The following PIK3CA variants were observed in gnomAD, a reference collection of about 807,000 sequenced individuals.
The protein encoded by PIK3CA is phosphatidylinositol 4,5-bisphosphate 3-kinase catalytic subunit alpha isoform.
In PIK3CA, 27 loss-of-function variants were observed where a neutral mutation model predicts 138.2. The observed-to-expected ratio is 0.20, with a 90% CI of 0.14 to 0.27. The LOEUF is 0.27. Among genes scored for constraint, PIK3CA ranks in the 10% least tolerant of loss-of-function variants. The pLI, the probability that PIK3CA is intolerant of heterozygous loss-of-function variation, is 1.00. For synonymous variants in PIK3CA, 358 were observed against 413.2 expected, an observed-to-expected ratio of 0.87 and a Z score of 1.62; for missense variants, 544 against 1,277.4, an observed-to-expected ratio of 0.43 and a Z score of 8.75.
chr3:179,236,841 G>T lies in PIK3CA; in HGVS notation c.*2477G>T, dbSNP rs1190221591. On this transcript the variant is annotated 3_prime_UTR_variant, in exon 21 of 21. Coordinates refer to ENST00000263967, the MANE Select transcript of PIK3CA (RefSeq NM_006218.4). Reference sequence around the variant, plus strand: ...AAACATTGAATTAAATGCTACATGGGTGACTAAGATCTGTTTCAAGTCAGT... The same window carrying T: ...AAACATTGAATTAAATGCTACATGGTTGACTAAGATCTGTTTCAAGTCAGT... 1 of 210,796 alleles carries T rather than the reference G, an allele frequency of 4.7e-6. No individual in the cohort carries two copies. The highest frequency in any genetic ancestry group is 2.3e-5 in the African/African-American group (1 of 44,094). The allele number at this position is 210,796 out of a possible 1,614,324, so 13.1% of individuals were successfully genotyped here. A position where few individuals can be genotyped will look rare whatever the true frequency, so the allele number is the denominator to read the frequency against.
intron 1 of PIK3CA, among the ~76,000 whole-genome samples, chr3:179,170,919 A>G (rs1723543761): frequency 6.6e-6 from 1 of 152,182 alleles, no homozygotes; most frequent in East Asian, 1.9e-4. Flanking sequence ...GATACAGAAG[A>G]CAGGAATAAA....
intron 8 of PIK3CA, 30 bp downstream of exon 8, chr3:179,210,368 T>A (rs902241117): frequency 6.3e-7 from 1 of 1,583,506 alleles, no homozygotes; most frequent in African/African-American, 1.4e-5. Context: ...AAATTAGATA[T>A]TTTTTATGGC....
intron 9 of PIK3CA, among the ~76,000 whole-genome samples, chr3:179,216,774 C>T (rs1340854454): frequency 1.3e-5 from 2 of 151,710 alleles, no homozygotes; most frequent in South Asian, 2.1e-4. Flanking sequence ...TTGTTTTCCC[C>T]ATCACTTTAT....
chr3:179,156,894 T>C (rs1169126716), intron 1 of PIK3CA, among the ~76,000 whole-genome samples: 1 of 152,186 alleles, frequency 6.6e-6, no homozygotes, highest in Non-Finnish European at 1.5e-5. Flanking sequence ...ACTGACTGCC[T>C]TTAGCCCCAC....
chr3:179,163,911 C>T (rs1236507542), intron 1 of PIK3CA, among the ~76,000 whole-genome samples: 1 of 151,874 alleles, frequency 6.6e-6, no homozygotes, highest in South Asian at 2.1e-4. Flanking sequence ...TTAACCCTTT[C>T]GAAAAGCACG....
intron 1 of PIK3CA, among the ~76,000 whole-genome samples, chr3:179,195,110 A>T (rs1724233682): frequency 6.6e-6 from 1 of 151,758 alleles, no homozygotes; most frequent in African/African-American, 2.4e-5. Context: ...GAATCTTGGG[A>T]ATCTGGGGAA....
intron 20 of PIK3CA, chr3:179,233,418 T>A (rs1040299245): frequency 4.8e-6 from 1 of 206,674 alleles, no homozygotes; most frequent in African/African-American, 2.7e-5. Flanking sequence ...ACTATTTTAA[T>A]TTTTTTTTTT....
Position 179,163,372 on chromosome 3 carries a change from G to A in PIK3CA, c.-77+14769G>A, listed in dbSNP as rs186218034. On this transcript the variant is annotated intron_variant, in intron 1 of 20. Coordinates refer to ENST00000263967, the MANE Select transcript of PIK3CA (RefSeq NM_006218.4). ...AATCATTCGTTCGACTCTCAAATAA[G>A]ATTGGGGCATGGCAATGTGCCCCCT... 1.4e-3 allele frequency among the ~76,000 whole-genome samples: 214 copies of A among 152,186 alleles called. 1 individual carries two copies. The highest frequency in any genetic ancestry group is 4.9e-3 in the African/African-American group (203 of 41,530).
intron 14 of PIK3CA, among the ~76,000 whole-genome samples, chr3:179,222,026 G>A (rs1724980728): frequency 6.6e-6 from 1 of 151,414 alleles, no homozygotes; most frequent in African/African-American, 2.4e-5. Flanking sequence ...ACTTTTTTAT[G>A]ACCTTTTCCT....
intron 1 of PIK3CA, among the ~76,000 whole-genome samples, chr3:179,184,372 C>T (rs1348899589): frequency 6.6e-6 from 1 of 152,152 alleles, no homozygotes; most frequent in East Asian, 1.9e-4. Context: ...AGTATGTAAT[C>T]ATAGTCAACA....
chr3:179,198,269 A>G (rs1399431352), intron 1 of PIK3CA, among the ~76,000 whole-genome samples: 1 of 152,206 alleles, frequency 6.6e-6, no homozygotes, highest in Non-Finnish European at 1.5e-5. Flanking sequence ...AGGGAGTGAA[A>G]AAGGAAAAGG....
intron 1 of PIK3CA, among the ~76,000 whole-genome samples, chr3:179,167,305 TTTC>T (rs776670569): frequency 6.6e-6 from 1 of 152,106 alleles, no homozygotes; most frequent in Non-Finnish European, 1.5e-5. Flanking sequence ...TCTGATATTG[TTTC>T]TTAATTTTGT....
In PIK3CA at chr3:179,236,996, T is replaced by G. The variant is rs1247413803; in HGVS notation, c.*2632T>G. The G allele has an allele frequency of 5.0e-6, 1 of 198,096 alleles. No homozygotes were observed. Among genetic ancestry groups the G allele is most frequent in the Non-Finnish European group, 1.0e-5 (1 of 95,804 alleles). The allele number at this position is 198,096 out of a possible 1,614,324, so 12.3% of individuals were successfully genotyped here. The stretch of plus-strand genomic sequence containing the variant: ...CTGACTATTGGCTCTACAGTTTTAT[T>G]GGGCCACTTAAGAAATATTTCCTTG... On this transcript the variant is annotated 3_prime_UTR_variant, in exon 21 of 21. Coordinates refer to ENST00000263967, the MANE Select transcript of PIK3CA (RefSeq NM_006218.4).
chr3:179,148,769 C>T (rs1023504355), intron 1 of PIK3CA, among the ~76,000 whole-genome samples, 166 bp downstream of exon 1: 62 of 152,244 alleles, frequency 4.1e-4, no homozygotes, highest in Admixed American at 1.6e-3. Context: ...CACCCTCTCC[C>T]TCGCCTGCCT....
At chr3:179,163,319 A>G (rs1177626673) in intron 1 of PIK3CA, among the ~76,000 whole-genome samples, 1 of 152,184 alleles carries the variant, frequency 6.6e-6, no homozygotes, top group Non-Finnish European at 1.5e-5. Flanking sequence ...CAAAGCTTCA[A>G]GAATTGTAAG....
chr3:179,204,460 T>G, intron 5 of PIK3CA, 43 bp from the exon 6 acceptor site: 1 of 888,970 alleles, frequency 1.1e-6, no homozygotes, highest in Non-Finnish European at 1.9e-6. Context: ...CATATGTGTA[T>G]GTTGAGTGTA....
At chr3:179,158,393 G>T (rs995730373) in intron 1 of PIK3CA, among the ~76,000 whole-genome samples, 4 of 151,992 alleles carry the variant, frequency 2.6e-5, no homozygotes, top group African/African-American at 7.2e-5. Context: ...GATTTTCCCT[G>T]TCCATTCCTG....
At chr3:179,185,940 T>G (rs1246268205) in intron 1 of PIK3CA, among the ~76,000 whole-genome samples, 3 of 152,218 alleles carry the variant, frequency 2.0e-5, no homozygotes, top group Non-Finnish European at 4.4e-5. Flanking sequence ...CATGATTGAT[T>G]AAATAATTGG....
chr3:179,237,104 T>C lies in PIK3CA; in HGVS notation c.*2740T>C, dbSNP rs1725347405. The C allele has an allele frequency of 1.0e-5, 2 of 196,898 alleles. No individual in the cohort carries two copies. Among genetic ancestry groups the C allele is most frequent in the African/African-American group, 4.6e-5 (2 of 43,454 alleles). 12.2% of individuals were successfully genotyped at this position (196,898 alleles called of 1,614,324 possible). ...GTAAGAAATGACTGTTGGAAAATTA[T>C]GCTTTCACTTTCTACCATATTCTCA... On this transcript the variant is annotated 3_prime_UTR_variant, in exon 21 of 21. Transcript: ENST00000263967.
Sources: gnomAD v4.1 joint callset for allele counts (sites outside exome capture counted in the v4.1 genomes callset) on GRCh38, gnomAD v4.1.1 for gene constraint, MANE v1.5 for transcripts, NCBI Gene and HGNC (gene_info 2026-07-23, HGNC 2026-07-21) for gene names.